SIN3A: variants seen among roughly 807,000 people sequenced by gnomAD.
SIN3A encodes SIN3 transcription regulator family member A, also known as paired amphipathic helix protein Sin3a.
Under a neutral mutation model 146.1 loss-of-function variants are expected in SIN3A, and 14 were observed. The ratio of observed to expected loss-of-function variants is 0.10; its 90% confidence interval spans 0.06 to 0.15. The LOEUF (loss-of-function observed/expected upper bound fraction) is 0.15. Ranked by LOEUF, SIN3A falls within the 10% of genes least tolerant of loss-of-function variation. The pLI, the probability that SIN3A is intolerant of heterozygous loss-of-function variation, is 1.00. For missense variants in SIN3A, 1,028 were observed against 1,576.0 expected, an observed-to-expected ratio of 0.65 and a Z score of 5.89; for synonymous variants, 572 against 572.0, an observed-to-expected ratio of 1.00 and a Z score of 0.00.
At chr15:75,417,851 T>G (rs914759425) in intron 3 of SIN3A, among the ~76,000 whole-genome samples, 1 of 152,138 alleles carries the variant, frequency 6.6e-6, no homozygotes, top group Non-Finnish European at 1.5e-5. Context: ...GGAGCCCTCA[T>G]GAATGGGATT....
At chr15:75,437,492 T>C (rs2074128254) in intron 1 of SIN3A, among the ~76,000 whole-genome samples, 1 of 152,108 alleles carries the variant, frequency 6.6e-6, no homozygotes, top group African/African-American at 2.4e-5. Flanking sequence ...TGAGGGAAAC[T>C]GATACTCAAA....
At chr15:75,381,481 T>G in intron 18 of SIN3A, 132 bp downstream of exon 18, 2 of 664,156 alleles carry the variant, frequency 3.0e-6, no homozygotes. Context: ...ACTTGTACTT[T>G]AAGCATCCAG....
At chr15:75,413,899 T>C (rs1173796647) in intron 4 of SIN3A, among the ~76,000 whole-genome samples, 2 of 152,224 alleles carry the variant, frequency 1.3e-5, no homozygotes, top group Non-Finnish European at 2.9e-5. Context: ...CAGTGAACCA[T>C]GCCAGAATAT....
chr15:75,416,760 T>C (rs145311082), intron 3 of SIN3A, among the ~76,000 whole-genome samples: 53 of 152,326 alleles, frequency 3.5e-4, no homozygotes, highest in African/African-American at 1.2e-3. Flanking sequence ...CAGACACCTG[T>C]TGGGACCTAA....
chr15:75,416,883 A>G (rs75550500), intron 3 of SIN3A, among the ~76,000 whole-genome samples: 3,021 of 152,316 alleles, frequency 0.02, 101 homozygotes, highest in African/African-American at 0.069. Context: ...GGATCTTCAG[A>G]TAAGTCCTGC....
chr15:75,380,788 C>T (rs1350974042), intron 18 of SIN3A, 65 bp from the exon 19 acceptor site: 9 of 1,082,418 alleles, frequency 8.3e-6, no homozygotes, highest in Non-Finnish European at 1.3e-5. Context: ...ATGCATTGGG[C>T]ACTCTAGTAA....
chr15:75,401,279 G>A (rs199750239), intron 10 of SIN3A, among the ~76,000 whole-genome samples: 2 of 152,194 alleles, frequency 1.3e-5, no homozygotes, highest in East Asian at 3.9e-4. Flanking sequence ...TGTAATCCCA[G>A]CACTTTGGGA....
intron 1 of SIN3A, among the ~76,000 whole-genome samples, chr15:75,449,477 G>A (rs1196589612): frequency 6.6e-6 from 1 of 152,102 alleles, no homozygotes; most frequent in African/African-American, 2.4e-5. Context: ...TCTCTCAATA[G>A]GAAAAGATAA....
intron 17 of SIN3A, 102 bp downstream of exon 17, chr15:75,384,162 G>T: frequency 2.3e-6 from 2 of 872,942 alleles, no homozygotes; most frequent in South Asian, 1.8e-5. Flanking sequence ...TCCAGGAGTA[G>T]AATCACAGGT....
chr15:75,413,446 A>C (rs999891165), intron 4 of SIN3A, among the ~76,000 whole-genome samples: 1 of 152,198 alleles, frequency 6.6e-6, no homozygotes, highest in Non-Finnish European at 1.5e-5. Flanking sequence ...GGTTTTCTCT[A>C]AACAGGAAAA....
chr15:75,396,791 G>A (rs957672411), intron 12 of SIN3A, among the ~76,000 whole-genome samples: 2 of 152,072 alleles, frequency 1.3e-5, no homozygotes, highest in Non-Finnish European at 2.9e-5. Flanking sequence ...CACCACCGTC[G>A]CTGCTGCCGC....
chr15:75,448,253 ACTTTGGGAGGCTG>A (rs2074342702), intron 1 of SIN3A: 2 of 151,940 alleles, frequency 1.3e-5, no homozygotes, highest in African/African-American at 4.8e-5. Flanking sequence ...TAATCCCAGT[ACTTTGGGAGGCTG>A]AGGCGGGCGG....
At chr15:75,447,447 T>G (rs1385924017) in intron 1 of SIN3A, among the ~76,000 whole-genome samples, 1 of 152,182 alleles carries the variant, frequency 6.6e-6, no homozygotes, top group African/African-American at 2.4e-5. Flanking sequence ...ACTAAACATA[T>G]TAGTCTATGG....
chr15:75,433,932 CACA>C lies in SIN3A; in HGVS notation c.-33-3527_-33-3525del, dbSNP rs146957101. Among the ~76,000 whole-genome samples the C allele has an allele frequency of 1.5e-3, 225 of 152,352 alleles. 4 individuals are homozygous for C. The East Asian group carries it at 0.041, about 28-fold the overall frequency. On this transcript the variant is annotated intron_variant, in intron 1 of 20. Transcript: ENST00000394947. Reference sequence around the variant, plus strand: ...CTGGTTTCAGGCCCTGATCATCCTTCACAACAACCTTATAAGCAAGGTGTTCTC... The same window carrying C: ...CTGGTTTCAGGCCCTGATCATCCTTCACAACCTTATAAGCAAGGTGTTCTC...
intron 16 of SIN3A, 28 bp downstream of exon 16, chr15:75,389,624 C>T (rs990909547): frequency 6.2e-7 from 1 of 1,609,580 alleles, no homozygotes; most frequent in African/African-American, 1.3e-5. Context: ...TCTTCCCTTA[C>T]TCACCCTAGC....
Position 75,396,468 on chromosome 15 carries a change from G to C in SIN3A, c.1883C>G (p.Ala628Gly). ...ELDVVLETNL[A>G]TIRVLEAIQK... ...TATTGCTTCCAGAACCCGGATTGTT[G>C]CCAGATTGGTCTCTAAAACTACATC... Residue 628 changes from alanine to glycine, a missense_variant, in exon 13 of 21, where the codon GCA becomes GGA. Ala to Gly is a moderately conservative substitution (Grantham distance 60, BLOSUM62 0). Transcript: ENST00000394947. The C allele has an allele frequency of 6.2e-7, 1 of 1,613,854 alleles. No homozygotes were observed. Among genetic ancestry groups the C allele is most frequent in the Non-Finnish European group, 8.5e-7 (1 of 1,179,870 alleles).
In SIN3A at chr15:75,401,984, CG is replaced by C; in HGVS notation, c.1408-15del. 1.3e-6 allele frequency: 2 copies of C among 1,529,982 alleles called. No homozygotes were observed. The highest frequency in any genetic ancestry group is 1.8e-6 in the Non-Finnish European group (2 of 1,107,944). 94.8% of individuals were successfully genotyped at this position (1,529,982 alleles called of 1,614,324 possible). On this transcript the variant is annotated splice_polypyrimidine_tract_variant and intron_variant, in intron 9 of 20. Transcript: ENST00000394947. ...AGCCTTTCGGACCTTATGGAGACAA[CG>C]GGAAGAAAAACAGTTTTTGTTTTTC... is the stretch of plus-strand genomic sequence containing the variant.
chr15:75,443,515 A>C (rs542827109), intron 1 of SIN3A: 1 of 152,266 alleles, frequency 6.6e-6, no homozygotes, highest in South Asian at 2.1e-4. Context: ...CAGGAGTTCG[A>C]GACTAGCCTA....
At chr15:75,417,741 C>G (rs970052300) in intron 3 of SIN3A, among the ~76,000 whole-genome samples, 1 of 152,208 alleles carries the variant, frequency 6.6e-6, no homozygotes, top group African/African-American at 2.4e-5. Flanking sequence ...CAATCATTAA[C>G]TGGTGCTGTG....
Sources: allele counts gnomAD v4.1 joint callset (sites outside exome capture counted in the v4.1 genomes callset), GRCh38; gene constraint gnomAD v4.1.1; transcripts MANE v1.5; gene names NCBI Gene and HGNC (gene_info 2026-07-23, HGNC 2026-07-21).